The following SPATS2L variants were observed in gnomAD, a reference collection of about 807,000 sequenced individuals.
SPATS2L encodes the protein SPATS2-like protein.
SPATS2L carries 30 observed loss-of-function variants against 59.6 expected under a neutral mutation model. The ratio of observed to expected loss-of-function variants is 0.50; its 90% confidence interval spans 0.38 to 0.68. The LOEUF is 0.68. Among genes scored for constraint, SPATS2L ranks in the 30% least tolerant of loss-of-function variants. The pLI, the probability that SPATS2L is intolerant of heterozygous loss-of-function variation, is 0.00. For synonymous variants in SPATS2L, 252 were observed against 263.5 expected, an observed-to-expected ratio of 0.96 and a Z score of 0.42; for missense variants, 615 against 700.0, an observed-to-expected ratio of 0.88 and a Z score of 1.37.
intron 2 of SPATS2L, among the ~76,000 whole-genome samples, chr2:200,335,304 G>A (rs924411171): frequency 1.3e-5 from 2 of 152,006 alleles, no homozygotes; most frequent in African/African-American, 2.4e-5. Flanking sequence ...TGTGAACCCG[G>A]GAGGCAGAGC....
chr2:200,329,996 T>C (rs916282061), intron 2 of SPATS2L, among the ~76,000 whole-genome samples: 2 of 152,008 alleles, frequency 1.3e-5, no homozygotes, highest in African/African-American at 4.8e-5. Flanking sequence ...TGAGTGGGAG[T>C]AGGACACAGA....
intron 6 of SPATS2L, among the ~76,000 whole-genome samples, chr2:200,419,845 G>A (rs1207201036): frequency 6.6e-6 from 1 of 151,640 alleles, no homozygotes; most frequent in Non-Finnish European, 1.5e-5. Flanking sequence ...CAAAGTGCTG[G>A]GATTACAGAC....
In SPATS2L at chr2:200,348,789, T is replaced by C. The variant is rs188682571; in HGVS notation, c.-23+19309T>C. 9.2e-5 allele frequency among the ~76,000 whole-genome samples: 14 copies of C among 152,070 alleles called. No homozygotes were observed. The East Asian group carries it at 2.7e-3, about 29-fold the overall frequency. On this transcript the variant is annotated intron_variant, in intron 2 of 12. Transcript: ENST00000409140. Reference sequence around the variant, plus strand: ...AGTGCTTCTGGCCTGTACTAAGTGTTAGGAAATGTTAACTATTACTCCGTT... The same window carrying C: ...AGTGCTTCTGGCCTGTACTAAGTGTCAGGAAATGTTAACTATTACTCCGTT...
At chr2:200,367,659 A>T (rs1325573520) in intron 2 of SPATS2L, among the ~76,000 whole-genome samples, 1 of 152,186 alleles carries the variant, frequency 6.6e-6, no homozygotes, top group Non-Finnish European at 1.5e-5. Flanking sequence ...GAAAAAGTTA[A>T]GAAAGGAATG....
At chr2:200,374,600 G>A (rs574665086) in intron 2 of SPATS2L, among the ~76,000 whole-genome samples, 7 of 152,088 alleles carry the variant, frequency 4.6e-5, no homozygotes, top group Middle Eastern at 3.4e-3. Context: ...CCCTCTACAT[G>A]TAGTGTCTGG....
rs1055851904 is a variant in SPATS2L at position 200,479,967 on chromosome 2, C to T, written c.*1936C>T. ...CGTTCAAATAAGAAAGATAAATGTT[C>T]GGCACTGTAGGCCCTGTTTACCCCA... is the stretch of plus-strand genomic sequence containing the variant. On this transcript the variant is annotated 3_prime_UTR_variant, in exon 13 of 13. Transcript: ENST00000409140. 1.0e-5 allele frequency: 4 copies of T among 382,336 alleles called. No homozygotes were observed. Among genetic ancestry groups the T allele is most frequent in the East Asian group, 3.7e-5 (1 of 26,874 alleles). The allele number at this position is 382,336 out of a possible 1,614,324, so 23.7% of individuals were successfully genotyped here. A position where few individuals can be genotyped will look rare whatever the true frequency, so the allele number is the denominator to read the frequency against.
rs1249317930 is a variant in SPATS2L, at chr2:200,396,031, A to AAAATAT, written c.39+6750_39+6755dup. ...ATCTGGAAAAAAAAAAAAAAAAAAA[A>AAAATAT]AAATATATATATATATATATATATA... On this transcript the variant is annotated intron_variant, in intron 3 of 12. Transcript: ENST00000409140. Among the ~76,000 whole-genome samples the AAAATAT allele has an allele frequency of 2.3e-4, 7 of 30,958 alleles. 1 individual carries two copies. Among genetic ancestry groups the AAAATAT allele is most frequent in the African/African-American group, 6.3e-4 (7 of 11,088 alleles). 20.3% of individuals were successfully genotyped at this position (30,958 alleles called of 152,430 possible). A position where few individuals can be genotyped will look rare whatever the true frequency, so the allele number is the denominator to read the frequency against.
At chr2:200,453,858 T>C (rs1019541412) in intron 8 of SPATS2L, among the ~76,000 whole-genome samples, 6 of 152,152 alleles carry the variant, frequency 3.9e-5, no homozygotes, top group Admixed American at 2.6e-4. Context: ...GGCTTATCAG[T>C]CTTTGGCATG....
At chr2:200,396,068 T>TATATATATATATATATATATA (rs58104978) in intron 3 of SPATS2L, among the ~76,000 whole-genome samples, 2 of 25,170 alleles carry the variant, frequency 7.9e-5, no homozygotes, top group African/African-American at 1.4e-4. Flanking sequence ...ATATATATAT[T>TATATATATATATATATATATA]TTCCCATAGA....
intron 3 of SPATS2L, among the ~76,000 whole-genome samples, chr2:200,398,970 C>T (rs1032529991): frequency 6.6e-5 from 10 of 152,086 alleles, no homozygotes; most frequent in Admixed American, 6.5e-5. Context: ...AGGGATGCTT[C>T]GGAACTCTGC....
chr2:200,410,186 A>G (rs1360718855), intron 3 of SPATS2L, among the ~76,000 whole-genome samples: 2 of 152,084 alleles, frequency 1.3e-5, no homozygotes, highest in East Asian at 3.8e-4. Context: ...TTTATGTAAT[A>G]TGAACCCATA....
chr2:200,348,928 G>A (rs1487917922), intron 2 of SPATS2L, among the ~76,000 whole-genome samples: 1 of 151,798 alleles, frequency 6.6e-6, no homozygotes, highest in Non-Finnish European at 1.5e-5. Flanking sequence ...TTGAATTTGG[G>A]TTGGCTCTAT....
chr2:200,416,597 A>G (rs1164872913), intron 5 of SPATS2L, among the ~76,000 whole-genome samples, 169 bp downstream of exon 5: 1 of 152,090 alleles, frequency 6.6e-6, no homozygotes, highest in East Asian at 1.9e-4. Flanking sequence ...ACTCTCAGAT[A>G]CTCTCACTAG....
chr2:200,395,153 G>C (rs969274392), intron 3 of SPATS2L, among the ~76,000 whole-genome samples: 6 of 152,254 alleles, frequency 3.9e-5, no homozygotes, highest in Admixed American at 2.0e-4. Flanking sequence ...AAATATGTGG[G>C]TACCAAGGTA....
chr2:200,345,493 A>G (rs1312058734), intron 2 of SPATS2L, among the ~76,000 whole-genome samples: 2 of 152,052 alleles, frequency 1.3e-5, no homozygotes, highest in Admixed American at 6.6e-5. Context: ...CATTTGATTT[A>G]GCAGAGATTA....
intron 6 of SPATS2L, among the ~76,000 whole-genome samples, chr2:200,425,045 G>T (rs1284844077): frequency 6.6e-6 from 1 of 151,502 alleles, no homozygotes; most frequent in South Asian, 2.1e-4. Context: ...CAGCACCTGC[G>T]CAGAGCTGCT....
intron 1 of SPATS2L, among the ~76,000 whole-genome samples, chr2:200,327,362 CCACTG>C (rs1445575646): frequency 6.6e-6 from 1 of 151,890 alleles, no homozygotes; most frequent in African/African-American, 2.4e-5. Flanking sequence ...CAAGATCATG[CCACTG>C]CACTCCAGCC....
At chr2:200,307,451 C>T (rs959388848) in intron 1 of SPATS2L, among the ~76,000 whole-genome samples, 4 of 152,010 alleles carry the variant, frequency 2.6e-5, no homozygotes, top group Admixed American at 2.0e-4. Context: ...GAACCCCGCG[C>T]CCCTGGCGCC....
At chr2:200,465,617 G>A (rs2086537270) in intron 9 of SPATS2L, among the ~76,000 whole-genome samples, 1 of 152,230 alleles carries the variant, frequency 6.6e-6, no homozygotes, top group Non-Finnish European at 1.5e-5. Flanking sequence ...TGTAAATGGG[G>A]GCTAGGGGGA....
Sources: gnomAD v4.1 joint callset for allele counts (sites outside exome capture counted in the v4.1 genomes callset) on GRCh38, gnomAD v4.1.1 for gene constraint, MANE v1.5 for transcripts, NCBI Gene and HGNC (gene_info 2026-07-23, HGNC 2026-07-21) for gene names.